The following STAU2 variants were observed in gnomAD, a reference collection of about 807,000 sequenced individuals.
STAU2 encodes the protein double-stranded RNA-binding protein Staufen homolog 2.
STAU2 carries 20 observed loss-of-function variants against 65.9 expected under a neutral mutation model. The ratio of observed to expected loss-of-function variants is 0.30; its 90% CI spans 0.21 to 0.44. The LOEUF (loss-of-function observed/expected upper bound fraction) is 0.44. Among genes scored for constraint, STAU2 ranks in the 20% least tolerant of loss-of-function variants. STAU2 has a pLI of 1.00. For synonymous variants in STAU2, 232 were observed against 233.9 expected (o/e 0.99, Z 0.07); for missense variants, 558 against 683.9 (o/e 0.82, Z 2.05).
At chr8:73,470,395 A>C (rs1819922689) in intron 13 of STAU2, among the ~76,000 whole-genome samples, 1 of 152,186 alleles carries the variant, frequency 6.6e-6, no homozygotes, top group Non-Finnish European at 1.5e-5. Flanking sequence ...TATAATACCC[A>C]ATACAGGGTA....
chr8:73,523,290 T>C (rs1012548170), intron 13 of STAU2, among the ~76,000 whole-genome samples: 4 of 150,998 alleles, frequency 2.6e-5, no homozygotes, highest in African/African-American at 9.7e-5. Flanking sequence ...ATGGGTTAAA[T>C]TTAGTGCATT....
chr8:73,532,314 C>T lies in STAU2; in HGVS notation c.1530+19698G>A, dbSNP rs117724124. Among the ~76,000 whole-genome samples the T allele has an allele frequency of 9.0e-3, 1,370 of 152,248 alleles. 13 individuals carry two copies. Among genetic ancestry groups the T allele is most frequent in the Non-Finnish European group, 0.012 (787 of 68,018 alleles). ...CTTGAAATGGCCCTGCAAAGCAGTACCTTGTGCGGGGAACGTGCACCTGTA... is the reference window on the plus strand; with the variant it reads ...CTTGAAATGGCCCTGCAAAGCAGTATCTTGTGCGGGGAACGTGCACCTGTA... On this transcript the variant is annotated intron_variant, in intron 13 of 14. Coordinates refer to ENST00000524300, the MANE Select transcript of STAU2 (RefSeq NM_001164380.2).
chr8:73,521,475 A>G (rs774107031), intron 13 of STAU2, among the ~76,000 whole-genome samples: 2 of 152,226 alleles, frequency 1.3e-5, no homozygotes, highest in Admixed American at 6.5e-5. Context: ...TACGGTAAAC[A>G]TACTACATAT....
At chr8:73,627,501 C>T (rs908013200) in intron 6 of STAU2, among the ~76,000 whole-genome samples, 2 of 152,090 alleles carry the variant, frequency 1.3e-5, no homozygotes, top group Non-Finnish European at 2.9e-5. Context: ...CAACTTTGTA[C>T]TCATCTGCCT....
intron 13 of STAU2, among the ~76,000 whole-genome samples, chr8:73,499,197 A>G (rs1377528924): frequency 6.6e-6 from 1 of 151,790 alleles, no homozygotes; most frequent in Non-Finnish European, 1.5e-5. Context: ...AATCATGTGC[A>G]CCAATTATTT....
chr8:73,589,852 A>G (rs1810638895), intron 11 of STAU2, among the ~76,000 whole-genome samples: 1 of 152,090 alleles, frequency 6.6e-6, no homozygotes, highest in South Asian at 2.1e-4. Flanking sequence ...CAAAATGCTC[A>G]GAGAACCCTA....
chr8:73,594,045 G>A (rs1363390363), intron 11 of STAU2, among the ~76,000 whole-genome samples: 1 of 152,062 alleles, frequency 6.6e-6, no homozygotes, highest in East Asian at 1.9e-4. Flanking sequence ...ATGTCTGTGA[G>A]GAGATTTATT....
chr8:73,614,708 C>G (rs1294107846), intron 8 of STAU2, among the ~76,000 whole-genome samples: 1 of 152,022 alleles, frequency 6.6e-6, no homozygotes, highest in Non-Finnish European at 1.5e-5. Context: ...CCCAAGAACA[C>G]CTAAGAATAA....
intron 6 of STAU2, among the ~76,000 whole-genome samples, chr8:73,660,127 T>C (rs966011975): frequency 5.3e-5 from 8 of 152,196 alleles, no homozygotes; most frequent in African/African-American, 1.9e-4. Context: ...GCTTTTGTTT[T>C]TGTCTAAAGG....
At chr8:73,577,302 C>T (rs972853963) in intron 12 of STAU2, among the ~76,000 whole-genome samples, 1 of 151,838 alleles carries the variant, frequency 6.6e-6, no homozygotes, top group Non-Finnish European at 1.5e-5. Context: ...GTGGCAGGCG[C>T]CTATAGTCCC....
intron 13 of STAU2, among the ~76,000 whole-genome samples, chr8:73,501,620 G>T (rs776468572): frequency 6.6e-6 from 1 of 151,862 alleles, no homozygotes; most frequent in East Asian, 1.9e-4. Context: ...ATTCTACTAT[G>T]ATGTTAATAT....
At chr8:73,710,368 C>T (rs1267909215) in intron 3 of STAU2, among the ~76,000 whole-genome samples, 1 of 140,408 alleles carries the variant, frequency 7.1e-6, no homozygotes, top group African/African-American at 2.8e-5. Context: ...GAATTACAGG[C>T]TTCTATCCTT....
At chr8:73,705,808 G>A (rs1037730549) in intron 4 of STAU2, among the ~76,000 whole-genome samples, 22 of 152,242 alleles carry the variant, frequency 1.4e-4, no homozygotes, top group African/African-American at 4.6e-4. Flanking sequence ...TCATGTAAAC[G>A]TAAGATAGGT....
At chr8:73,729,634 C>A (rs765301928) in intron 3 of STAU2, among the ~76,000 whole-genome samples, 1 of 152,106 alleles carries the variant, frequency 6.6e-6, no homozygotes, top group Non-Finnish European at 1.5e-5. Context: ...GGTTGGAGTG[C>A]AATGGCATAA....
intron 13 of STAU2, among the ~76,000 whole-genome samples, chr8:73,445,450 A>G (rs544290726): frequency 6.6e-6 from 1 of 152,388 alleles, no homozygotes; most frequent in East Asian, 1.9e-4. Context: ...TACAAAACAA[A>G]AAACAAAATT....
At chr8:73,580,454 C>T (rs1809898885) in intron 12 of STAU2, among the ~76,000 whole-genome samples, 1 of 152,170 alleles carries the variant, frequency 6.6e-6, no homozygotes, top group Non-Finnish European at 1.5e-5. Flanking sequence ...CTGTCTTCCC[C>T]CACATGTGCC....
intron 3 of STAU2, among the ~76,000 whole-genome samples, chr8:73,721,578 T>C (rs953324598): frequency 6.6e-6 from 1 of 152,188 alleles, no homozygotes; most frequent in South Asian, 2.1e-4. Context: ...TTCATGTGTT[T>C]TGAAGCTCTG....
chr8:73,676,639 A>C (rs970511149), intron 5 of STAU2, among the ~76,000 whole-genome samples: 3 of 152,250 alleles, frequency 2.0e-5, no homozygotes, highest in Non-Finnish European at 4.4e-5. Context: ...GCTCTCACCC[A>C]GGCTAGAGTG....
At chr8:73,663,392 A>G (rs772496783) in intron 6 of STAU2, among the ~76,000 whole-genome samples, 28 of 152,196 alleles carry the variant, frequency 1.8e-4, no homozygotes, top group Non-Finnish European at 2.9e-4. Context: ...GACGTGACCC[A>G]TGGGCTATAG....
Sources: gnomAD v4.1 joint callset for allele counts (sites outside exome capture counted in the v4.1 genomes callset) on GRCh38, gnomAD v4.1.1 for gene constraint, MANE v1.5 for transcripts, NCBI Gene and HGNC (gene_info 2026-07-23, HGNC 2026-07-21) for gene names.